The following ULK4 variants were observed in gnomAD, a reference collection of about 807,000 sequenced individuals.
ULK4 encodes the protein unc-51 like kinase 4.
ULK4 carries 133 observed loss-of-function variants against 160.6 expected under a neutral mutation model. That is an observed-to-expected ratio of 0.83 (90% CI 0.72 to 0.96). The LOEUF (loss-of-function observed/expected upper bound fraction) is 0.96, where lower values mean the gene tolerates loss of function less well. Among genes scored for constraint, ULK4 ranks in the 40% least tolerant of loss-of-function variants. ULK4 has a pLI of 0.00. For synonymous variants in ULK4, 534 were observed against 539.8 expected, an observed-to-expected ratio of 0.99 and a Z score of 0.15; for missense variants, 1,580 against 1,499.5, an observed-to-expected ratio of 1.05 and a Z score of -0.89.
intron 31 of ULK4, among the ~76,000 whole-genome samples, chr3:41,611,230 C>A (rs2032659168): frequency 6.6e-6 from 1 of 152,230 alleles, no homozygotes; most frequent in South Asian, 2.1e-4. Flanking sequence ...GCGTATGCTG[C>A]CTGAGCTCCA....
At chr3:41,368,331 G>A (rs1221585339) in intron 35 of ULK4, among the ~76,000 whole-genome samples, 1 of 152,076 alleles carries the variant, frequency 6.6e-6, no homozygotes, top group Admixed American at 6.6e-5. Context: ...TTACAGGTGT[G>A]AGCCACCAAG....
At chr3:41,720,904 T>C (rs2037429006) in intron 22 of ULK4, among the ~76,000 whole-genome samples, 1 of 152,092 alleles carries the variant, frequency 6.6e-6, no homozygotes, top group Non-Finnish European at 1.5e-5. Context: ...TGTACACATA[T>C]GATATGACAC....
At chr3:41,649,918 G>T (rs530066064) in intron 30 of ULK4, among the ~76,000 whole-genome samples, 1 of 152,166 alleles carries the variant, frequency 6.6e-6, no homozygotes, top group Non-Finnish European at 1.5e-5. Flanking sequence ...CCCATGAACC[G>T]ATCAGCATGA....
intron 11 of ULK4, 117 bp downstream of exon 11, chr3:41,911,200 G>A (rs1334473202): frequency 4.3e-6 from 4 of 928,152 alleles, no homozygotes; most frequent in Non-Finnish European, 6.6e-6. Flanking sequence ...ACTGGCATTT[G>A]GCACTAAAAT....
At chr3:41,581,827 C>A (rs1047966360) in intron 31 of ULK4, among the ~76,000 whole-genome samples, 1 of 152,162 alleles carries the variant, frequency 6.6e-6, no homozygotes, top group Middle Eastern at 3.2e-3. Flanking sequence ...TGCAAATGAT[C>A]TGGGCCAGAA....
chr3:41,491,704 T>A (rs1484240233), intron 32 of ULK4, among the ~76,000 whole-genome samples: 1 of 152,094 alleles, frequency 6.6e-6, no homozygotes, highest in African/African-American at 2.4e-5. Context: ...TTTATATTTT[T>A]TTTTATTCAT....
chr3:41,330,386 C>T (rs1001825930), intron 35 of ULK4, among the ~76,000 whole-genome samples: 2 of 152,208 alleles, frequency 1.3e-5, no homozygotes, highest in African/African-American at 4.8e-5. Context: ...CATCCCAATT[C>T]CTCAGGCAAT....
intron 21 of ULK4, among the ~76,000 whole-genome samples, chr3:41,773,914 G>A (rs899528045): frequency 1.1e-4 from 17 of 152,212 alleles, no homozygotes; most frequent in African/African-American, 3.9e-4. Context: ...CAGAAATAAT[G>A]CCGCATATCT....
intron 32 of ULK4, among the ~76,000 whole-genome samples, chr3:41,562,358 CT>C (rs1280090928): frequency 1.3e-5 from 2 of 152,126 alleles, no homozygotes; most frequent in East Asian, 3.9e-4. Context: ...GTGGAGAGTT[CT>C]GTAGATGTCT....
At chr3:41,912,735 G>T in intron 9 of ULK4, 72 bp downstream of exon 9, 1 of 1,277,270 alleles carries the variant, frequency 7.8e-7, no homozygotes, top group Non-Finnish European at 1.1e-6. Context: ...CATTGATGTT[G>T]TATATTTAGA....
At chr3:41,433,780 C>T (rs913749503) in intron 34 of ULK4, among the ~76,000 whole-genome samples, 5 of 152,052 alleles carry the variant, frequency 3.3e-5, no homozygotes, top group African/African-American at 4.8e-5. Context: ...AGTGCAATGG[C>T]GCGATCCAGG....
At chr3:41,570,327 C>T (rs2087927344) in intron 31 of ULK4, among the ~76,000 whole-genome samples, 1 of 152,190 alleles carries the variant, frequency 6.6e-6, no homozygotes, top group African/African-American at 2.4e-5. Context: ...GTTTCACTGA[C>T]ACCAGCTTAA....
intron 35 of ULK4, among the ~76,000 whole-genome samples, chr3:41,327,975 G>A (rs1349874551): frequency 6.6e-6 from 1 of 152,156 alleles, no homozygotes; most frequent in Non-Finnish European, 1.5e-5. Context: ...AAGTCGTTTG[G>A]AAAGAGGGAC....
At chr3:41,263,379 A>C (rs1389406914) in intron 35 of ULK4, among the ~76,000 whole-genome samples, 1 of 152,150 alleles carries the variant, frequency 6.6e-6, no homozygotes, top group East Asian at 1.9e-4. Context: ...AAAGAGCTTA[A>C]CAGGGCCTGT....
At chr3:41,959,065 T>TA (rs200910666) in intron 1 of ULK4, among the ~76,000 whole-genome samples, 8,273 of 151,836 alleles carry the variant, frequency 0.054, 417 homozygotes, top group East Asian at 0.17. Context: ...CCATCTCTAC[T>TA]AAAAATACAA....
intron 32 of ULK4, among the ~76,000 whole-genome samples, chr3:41,502,135 G>A (rs1225148687): frequency 3.9e-5 from 6 of 152,102 alleles, no homozygotes; most frequent in Non-Finnish European, 7.3e-5. Context: ...CCTAGCTACT[G>A]TGAATAATGC....
chr3:41,800,358 C>A, intron 19 of ULK4, 65 bp from the exon 20 acceptor site: 2 of 1,487,026 alleles, frequency 1.3e-6, no homozygotes, highest in Non-Finnish European at 1.8e-6. Flanking sequence ...TTCTTTATGA[C>A]CATTGTAAAT....
At chr3:41,361,077 C>G (rs2081133182) in intron 35 of ULK4, among the ~76,000 whole-genome samples, 1 of 152,096 alleles carries the variant, frequency 6.6e-6, no homozygotes, top group Admixed American at 6.6e-5. Context: ...TGTCCTTGAG[C>G]AAGCAGGAAA....
At chr3:41,518,558 G>C (rs969257901) in intron 32 of ULK4, among the ~76,000 whole-genome samples, 6 of 152,166 alleles carry the variant, frequency 3.9e-5, no homozygotes, top group Non-Finnish European at 8.8e-5. Flanking sequence ...TTTTATTACT[G>C]TTTTAATCCC....
Sources: allele counts gnomAD v4.1 joint callset (sites outside exome capture counted in the v4.1 genomes callset), GRCh38; gene constraint gnomAD v4.1.1; transcripts MANE v1.5; gene names NCBI Gene and HGNC (gene_info 2026-07-23, HGNC 2026-07-21).